The following ADAMTS12 variants were observed in gnomAD, a reference collection of about 807,000 sequenced individuals.
The protein encoded by ADAMTS12 is A disintegrin and metalloproteinase with thrombospondin motifs 12.
ADAMTS12 carries 118 observed loss-of-function variants against 167.8 expected under a neutral mutation model. The ratio of observed to expected loss-of-function variants is 0.70; its 90% CI spans 0.61 to 0.82. The LOEUF is 0.82. Ranked by LOEUF, ADAMTS12 falls within the 40% of genes least tolerant of loss-of-function variation. The pLI, the probability that ADAMTS12 is intolerant of heterozygous loss-of-function variation, is 0.00. For missense variants in ADAMTS12, 1,916 were observed against 1,998.8 expected (o/e 0.96, Z 0.79); for synonymous variants, 704 against 716.9 (o/e 0.98, Z 0.29).
At chr5:33,680,504 T>G (rs558352562) in intron 5 of ADAMTS12, among the ~76,000 whole-genome samples, 1 of 11,834 alleles carries the variant, frequency 8.5e-5, no homozygotes, top group Admixed American at 1.3e-3. Context: ...AGAAGTAGCT[T>G]TCTTCTTCTT....
chr5:33,736,115 T>C (rs1055771472), intron 3 of ADAMTS12, among the ~76,000 whole-genome samples: 1 of 151,744 alleles, frequency 6.6e-6, no homozygotes, highest in Non-Finnish European at 1.5e-5. Context: ...CAGGCTGTGG[T>C]GCAACGGTGC....
intron 20 of ADAMTS12, among the ~76,000 whole-genome samples, chr5:33,550,359 C>T (rs909517927): frequency 6.6e-6 from 1 of 152,202 alleles, no homozygotes; most frequent in East Asian, 1.9e-4. Context: ...TAGTGCTTGC[C>T]ATAGGCCTTC....
At position 33,641,920 on chromosome 5, in the gene ADAMTS12, C is replaced by T. The variant is rs1215872149; in HGVS notation, c.1608G>A (p.Lys536=). ...CMAGKCITVG[K]KPESIPGGWG... Reference sequence around the variant, plus strand: ...AGCCTCCAGGAATGCTCTCTGGTTTCTTCCCCACTGTGATGCACTTGCCTG... The same window carrying T: ...AGCCTCCAGGAATGCTCTCTGGTTTTTTCCCCACTGTGATGCACTTGCCTG... The change falls in exon 11 of 24, where the codon AAG becomes AAA. Residue 536 remains lysine, a synonymous_variant. Transcript: ENST00000504830. The T allele has an allele frequency of 5.6e-6, 9 of 1,613,464 alleles. No homozygotes were observed. Among genetic ancestry groups the T allele is most frequent in the Admixed American group, 1.7e-5 (1 of 59,998 alleles).
In ADAMTS12 at chr5:33,891,848, A is replaced by G. The variant is rs1019503086; in HGVS notation, c.9T>C (p.Cys3=). 1.9e-6 allele frequency: 3 copies of G among 1,613,990 alleles called. No homozygotes were observed. Among genetic ancestry groups the G allele is most frequent in the Non-Finnish European group, 2.5e-6 (3 of 1,179,922 alleles). MP[C]AQRSWLANLS... Reference sequence around the variant, plus strand: ...GGTTTGCAAGCCAGCTCCTCTGGGCACATGGCATGATTCAGATGTTGAGGA... The same window carrying G: ...GGTTTGCAAGCCAGCTCCTCTGGGCGCATGGCATGATTCAGATGTTGAGGA... The change falls in exon 1 of 24, where the codon TGT becomes TGC. Residue 3 remains cysteine (C), a synonymous_variant. Transcript: ENST00000504830.
chr5:33,585,371 C>T (rs777733775), intron 18 of ADAMTS12, among the ~76,000 whole-genome samples: 2 of 152,226 alleles, frequency 1.3e-5, no homozygotes, highest in Non-Finnish European at 2.9e-5. Flanking sequence ...TCTGCTCCCA[C>T]GTGTGGCTAC....
chr5:33,872,632 C>G (rs1286347272), intron 2 of ADAMTS12, among the ~76,000 whole-genome samples: 3 of 152,200 alleles, frequency 2.0e-5, no homozygotes, highest in South Asian at 2.1e-4. Context: ...CTCAAGCAAA[C>G]TGAACCCAAC....
rs182959917 is a variant in ADAMTS12, at chr5:33,542,763, A to G, written c.4446+3296T>C. Among the ~76,000 whole-genome samples, 701 of 152,328 alleles carry G rather than the reference A, an allele frequency of 4.6e-3. 5 individuals carry two copies. Among genetic ancestry groups the G allele is most frequent in the African/African-American group, 0.016 (681 of 41,570 alleles). ...CTGAACAACTTGCTCCTGAATGACT[A>G]CTGGGTACATAACGAAATGAAGGCA... On this transcript the variant is annotated intron_variant, in intron 22 of 23. Transcript: ENST00000504830.
chr5:33,730,225 G>A (rs1744136592), intron 3 of ADAMTS12, among the ~76,000 whole-genome samples: 1 of 151,946 alleles, frequency 6.6e-6, no homozygotes, highest in Non-Finnish European at 1.5e-5. Flanking sequence ...GCATATGTGT[G>A]GCATTGTATA....
chr5:33,587,290 C>A (rs969354922), intron 18 of ADAMTS12, among the ~76,000 whole-genome samples: 8 of 152,146 alleles, frequency 5.3e-5, no homozygotes, highest in African/African-American at 1.9e-4. Context: ...ACATATTTAT[C>A]ATCAAATATT....
chr5:33,840,552 G>C (rs554587538), intron 2 of ADAMTS12, among the ~76,000 whole-genome samples: 11 of 152,060 alleles, frequency 7.2e-5, no homozygotes, highest in Admixed American at 2.0e-4. Context: ...CCACCTCATA[G>C]ATTAGTTGTG....
intron 5 of ADAMTS12, among the ~76,000 whole-genome samples, chr5:33,680,497 A>C (rs1189700575): frequency 9.2e-6 from 1 of 108,230 alleles, no homozygotes; most frequent in Non-Finnish European, 1.8e-5. Context: ...TATTCCCAGA[A>C]GTAGCTTTCT....
intron 20 of ADAMTS12, among the ~76,000 whole-genome samples, chr5:33,553,654 G>A (rs999581096): frequency 5.3e-5 from 8 of 152,184 alleles, no homozygotes; most frequent in Non-Finnish European, 1.0e-4. Flanking sequence ...ATAAGTGGGA[G>A]CTAAATGATG....
rs80227549 is a variant in ADAMTS12 at position 33,784,389 on chromosome 5, A to G, written c.490-32841T>C. Among the ~76,000 whole-genome samples the G allele has an allele frequency of 7.5e-3, 1,141 of 152,066 alleles. 18 individuals carry two copies. Among genetic ancestry groups the G allele is most frequent in the African/African-American group, 0.026 (1,100 of 41,516 alleles). ...CAAGCAAAAGAAATTAAAGGCATGC[A>G]AATTGGAAACAAAGTAAGACTCTTT... On this transcript the variant is annotated intron_variant, in intron 2 of 23. Transcript: ENST00000504830.
chr5:33,764,063 T>C (rs1438111066), intron 2 of ADAMTS12, among the ~76,000 whole-genome samples: 1 of 152,188 alleles, frequency 6.6e-6, no homozygotes, highest in Non-Finnish European at 1.5e-5. Flanking sequence ...GCTTCTTCTA[T>C]AAAACCAGAT....
At chr5:33,603,694 T>C (rs1356833279) in intron 16 of ADAMTS12, 1 of 152,174 alleles carries the variant, frequency 6.6e-6, no homozygotes, top group Non-Finnish European at 1.5e-5. Context: ...TTTAGACTAT[T>C]GTCTTGCCAG....
intron 19 of ADAMTS12, among the ~76,000 whole-genome samples, chr5:33,575,691 T>C (rs1480884424): frequency 6.6e-6 from 1 of 152,192 alleles, no homozygotes. Context: ...AACAGGTTTC[T>C]TAAGGATGGG....
chr5:33,524,537 C>T lies in ADAMTS12; in HGVS notation c.*2651G>A, dbSNP rs914439500. ...GCCTAGATAAAGTAAATCAACAACT[C>T]TGCTTCATATCAGCACCCAAGTATC... On this transcript the variant is annotated 3_prime_UTR_variant, in exon 24 of 24. Transcript: ENST00000504830. 1 of 152,210 alleles carries T rather than the reference C, an allele frequency of 6.6e-6. No homozygotes were observed. Among genetic ancestry groups the T allele is most frequent in the South Asian group, 2.1e-4 (1 of 4,832 alleles). The allele number at this position is 152,210 out of a possible 1,614,324, so 9.4% of individuals were successfully genotyped here.
chr5:33,662,014 T>C lies in ADAMTS12; in HGVS notation c.942A>G (p.Ala314=), dbSNP rs1489984983. 1.2e-6 allele frequency: 2 copies of C among 1,611,956 alleles called. No homozygotes were observed. The highest frequency in any genetic ancestry group is 8.5e-7 in the Non-Finnish European group (1 of 1,179,618). Reference sequence around the variant, plus strand: ...TGCAGAAGCTAGACAGTGTCTTTTCTGCATGGTGAACTATTTTCAGTCCTT... The same window carrying C: ...TGCAGAAGCTAGACAGTGTCTTTTCCGCATGGTGAACTATTTTCAGTCCTT... The part of the protein sequence containing the change: ...EEQGLKIVHH[A]EKTLSSFCKW... Residue 314 remains alanine (A), a synonymous_variant, in exon 6 of 24, where the codon GCA becomes GCG. Coordinates refer to ENST00000504830, the MANE Select transcript of ADAMTS12 (RefSeq NM_030955.4).
intron 3 of ADAMTS12, among the ~76,000 whole-genome samples, chr5:33,720,284 T>TCACTCA (rs1554037783): frequency 6.8e-6 from 1 of 147,802 alleles, no homozygotes; most frequent in Non-Finnish European, 1.5e-5. Flanking sequence ...TCTCTCTCAC[T>TCACTCA]CACACACACA....
Sources: allele counts gnomAD v4.1 joint callset (sites outside exome capture counted in the v4.1 genomes callset), GRCh38; gene constraint gnomAD v4.1.1; transcripts MANE v1.5; gene names NCBI Gene and HGNC (gene_info 2026-07-23, HGNC 2026-07-21).